Variants in CREBBP observed in about 807,000 individuals in gnomAD.
CREBBP encodes CREB binding lysine acetyltransferase, also known as CREB-binding protein.
Under a neutral mutation model 265.0 loss-of-function variants are expected in CREBBP, and 19 were observed. The ratio of observed to expected loss-of-function variants is 0.07; its 90% CI spans 0.05 to 0.11. The LOEUF (loss-of-function observed/expected upper bound fraction) is 0.11. CREBBP is among the 10% of genes least tolerant of loss of function. CREBBP has a pLI of 1.00. For synonymous variants in CREBBP, 1,457 were observed against 1,223.7 expected, an observed-to-expected ratio of 1.19 and a Z score of -3.98; for missense variants, 2,525 against 3,219.0, an observed-to-expected ratio of 0.78 and a Z score of 5.22.
At chr16:3,815,326 G>A (rs1409718465) in intron 2 of CREBBP, among the ~76,000 whole-genome samples, 1 of 152,026 alleles carries the variant, frequency 6.6e-6, no homozygotes, top group African/African-American at 2.4e-5. Context: ...GATCACTTAA[G>A]GTCAGCAGTT....
Position 3,849,449 on chromosome 16 carries a change from GTGTGTGTGTGT to G in CREBBP, c.798+837_798+847del, listed in dbSNP as rs1567360733. Among the ~76,000 whole-genome samples the G allele has an allele frequency of 2.9e-4, 14 of 49,076 alleles. No individual in the cohort carries two copies. In the East Asian group the frequency reaches 0.012, roughly 42 times the overall value. The allele number at this position is 49,076 out of a possible 152,430, so 32.2% of individuals were successfully genotyped here. On this transcript the variant is annotated intron_variant, in intron 2 of 30. Coordinates refer to ENST00000262367, the MANE Select transcript of CREBBP (RefSeq NM_004380.3). ...TGTGTGTGTGTGTGTGTGTGTGTGT[GTGTGTGTGTGT>G]GTGTGTGTGTGTGTGTGTGTGTGTG...
chr16:3,830,979 G>C (rs920764450), intron 2 of CREBBP, among the ~76,000 whole-genome samples: 1 of 152,156 alleles, frequency 6.6e-6, no homozygotes, highest in African/African-American at 2.4e-5. Flanking sequence ...AGTAGAGACA[G>C]GTTTCACCAC....
chr16:3,845,886 C>CAAAAAA (rs58655991), intron 2 of CREBBP, among the ~76,000 whole-genome samples: 2 of 73,516 alleles, frequency 2.7e-5, no homozygotes, highest in African/African-American at 1.0e-4. Context: ...GACCCTATCT[C>CAAAAAA]AAAAAAAAAA....
At chr16:3,863,884 C>T (rs954074907) in intron 1 of CREBBP, among the ~76,000 whole-genome samples, 1 of 152,124 alleles carries the variant, frequency 6.6e-6, no homozygotes, top group African/African-American at 2.4e-5. Flanking sequence ...CCCAGCAGCC[C>T]CTGCACGTTA....
At chr16:3,766,862 T>A (rs2052865529) in intron 16 of CREBBP, among the ~76,000 whole-genome samples, 1 of 152,106 alleles carries the variant, frequency 6.6e-6, no homozygotes, top group Non-Finnish European at 1.5e-5. Flanking sequence ...TAAGCAATGA[T>A]AGATAATCCA....
intron 3 of CREBBP, among the ~76,000 whole-genome samples, chr16:3,796,077 G>C (rs966284116): frequency 2.6e-5 from 4 of 151,960 alleles, no homozygotes; most frequent in African/African-American, 9.7e-5. Flanking sequence ...ACACTACCTT[G>C]TTGAAGAGAC....
chr16:3,826,046 T>C (rs1156606135), intron 2 of CREBBP, among the ~76,000 whole-genome samples: 1 of 152,102 alleles, frequency 6.6e-6, no homozygotes, highest in East Asian at 1.9e-4. Context: ...ACATGGCAAA[T>C]CTCCATCTCT....
intron 5 of CREBBP, among the ~76,000 whole-genome samples, chr16:3,788,284 T>C (rs2053432508): frequency 6.6e-6 from 1 of 152,230 alleles, no homozygotes; most frequent in South Asian, 2.1e-4. Flanking sequence ...CAGATTTTAA[T>C]GTGCACACTA....
At chr16:3,804,207 C>T (rs907039364) in intron 3 of CREBBP, among the ~76,000 whole-genome samples, 1 of 151,964 alleles carries the variant, frequency 6.6e-6, no homozygotes, top group Non-Finnish European at 1.5e-5. Context: ...GACCAGGAGT[C>T]GAATGACCAA....
intron 8 of CREBBP, among the ~76,000 whole-genome samples, chr16:3,779,488 A>C (rs1010635433): frequency 6.6e-6 from 1 of 152,160 alleles, no homozygotes; most frequent in Non-Finnish European, 1.5e-5. Context: ...GCTACTTCCA[A>C]TGCCATCAAA....
intron 3 of CREBBP, among the ~76,000 whole-genome samples, chr16:3,801,007 C>G (rs2053701443): frequency 6.6e-6 from 1 of 152,214 alleles, no homozygotes; most frequent in Non-Finnish European, 1.5e-5. Context: ...CTGTGCCAGG[C>G]TCTGTGTTCA....
chr16:3,849,067 A>G (rs548623211), intron 2 of CREBBP, among the ~76,000 whole-genome samples: 23 of 152,300 alleles, frequency 1.5e-4, no homozygotes, highest in African/African-American at 5.3e-4. Flanking sequence ...GGGACTAAAC[A>G]AATCCAAAGA....
At position 3,770,622 on chromosome 16, in the gene CREBBP, T is replaced by C. The variant is rs760507167; in HGVS notation, c.2828A>G (p.Gln943Arg). 3.1e-6 allele frequency: 5 copies of C among 1,613,910 alleles called. No individual in the cohort carries two copies. The South Asian group carries it at 5.5e-5, about 18-fold the overall frequency. The change falls in exon 14 of 31, where the codon CAG becomes CGG. Residue 943 changes from glutamine (Q) to arginine (R), a missense_variant. Gln to Arg is a conservative substitution (Grantham distance 43, BLOSUM62 1). Around this residue, in one of 19 missense-constraint regions of CREBBP, gnomAD observed 548 missense variants for 533.0 expected, o/e 1.03. Coordinates refer to ENST00000262367, the MANE Select transcript of CREBBP (RefSeq NM_004380.3). ...PVQPPSVATP[Q>R]SSQQQPTPVH... ...AGGCGTCGGCTGTTGCTGCGATGAC[T>C]GAGGGGTAGCCACAGACGGGGGCTG...
chr16:3,781,180 C>T lies in CREBBP; in HGVS notation c.1676+24G>A, dbSNP rs767272044. 1.9e-6 allele frequency: 3 copies of T among 1,595,898 alleles called. No homozygotes were observed. In the South Asian group the frequency reaches 3.3e-5, roughly 18 times the overall value. ...AGTCCATGCTCCTGTTGGACTGTCA[C>T]TCAGATCTGAAACAGGGTCTTACTT... is the stretch of plus-strand genomic sequence containing the variant. On this transcript the variant is annotated intron_variant, in intron 7 of 30. Coordinates refer to ENST00000262367, the MANE Select transcript of CREBBP (RefSeq NM_004380.3).
At chr16:3,871,590 G>T (rs1183365017) in intron 1 of CREBBP, among the ~76,000 whole-genome samples, 2 of 152,112 alleles carry the variant, frequency 1.3e-5, no homozygotes, top group African/African-American at 4.8e-5. Context: ...TTTAAATGTT[G>T]TACAAGCCTT....
chr16:3,861,759 T>C (rs1454212518), intron 1 of CREBBP, among the ~76,000 whole-genome samples: 3 of 124,558 alleles, frequency 2.4e-5, no homozygotes. Context: ...GACATCTAAC[T>C]TTTTTTTTTT....
chr16:3,827,001 CAT>C (rs1413123132), intron 2 of CREBBP, among the ~76,000 whole-genome samples: 1 of 152,104 alleles, frequency 6.6e-6, no homozygotes, highest in Non-Finnish European at 1.5e-5. Context: ...CTGTTCTCAA[CAT>C]AGAGTCTACT....
At position 3,736,055 on chromosome 16, in the gene CREBBP, G is replaced by A. The variant is rs1186493453; in HGVS notation, c.4709C>T (p.Ala1570Val). Residue 1570 changes from alanine to valine, a missense_variant, in exon 28 of 31, where the codon GCA (alanine) becomes GTA (valine). Physicochemically the swap from Ala to Val is moderately conservative, Grantham distance 64 (BLOSUM62 0). This residue lies in a region of CREBBP where 93 missense variants were observed against 161.5 expected (regional missense o/e 0.58). Transcript: ENST00000262367. ...CTGTACCTCAGTGGTTTCACTGGCT[G>A]CAGTGCTCTCTTCCTTTTTCCTCTC... Reference protein sequence around the residue: ...EEERKKEESTAASETTEGSQG... With the variant: ...EEERKKEESTVASETTEGSQG... 5.0e-6 allele frequency: 8 copies of A among 1,614,114 alleles called. No individual in the cohort carries two copies. Among genetic ancestry groups the A allele is most frequent in the Non-Finnish European group, 6.8e-6 (8 of 1,180,042 alleles).
chr16:3,863,509 C>T (rs767681991), intron 1 of CREBBP, among the ~76,000 whole-genome samples: 8 of 151,980 alleles, frequency 5.3e-5, no homozygotes, highest in Non-Finnish European at 8.8e-5. Context: ...AGGGTGACAC[C>T]GGAGAATTGC....
Sources: allele counts gnomAD v4.1 joint callset (sites outside exome capture counted in the v4.1 genomes callset), GRCh38; gene constraint gnomAD v4.1.1; regional missense constraint gnomAD v4.1.1; transcripts MANE v1.5; gene names NCBI Gene and HGNC (gene_info 2026-07-23, HGNC 2026-07-21).